The following R3HDM1 variants were observed in gnomAD, a reference collection of about 807,000 sequenced individuals.
The protein encoded by R3HDM1 is R3H domain-containing protein 1.
A neutral mutation model predicts 141.1 loss-of-function variants in R3HDM1; 46 were observed. That is an observed-to-expected ratio of 0.33 (90% CI 0.26 to 0.42). The LOEUF is 0.42. Ranked by LOEUF, R3HDM1 falls within the 10% of genes least tolerant of loss-of-function variation. The pLI is 1.00. For synonymous variants in R3HDM1, 435 were observed against 472.9 expected (o/e 0.92, Z 1.04); for missense variants, 1,184 against 1,368.3 (o/e 0.87, Z 2.12).
intron 1 of R3HDM1, among the ~76,000 whole-genome samples, chr2:135,551,379 T>C (rs1327616540): frequency 1.3e-5 from 2 of 152,218 alleles, no homozygotes; most frequent in Non-Finnish European, 2.9e-5. Context: ...AGTTTAAAAC[T>C]ATTCGGGACC....
Position 135,722,003 on chromosome 2 carries a change from A to G in R3HDM1, c.2961A>G (p.Gln987=), listed in dbSNP as rs1179272550. The G allele has an allele frequency of 6.2e-7, 1 of 1,611,528 alleles. No individual in the cohort carries two copies. Among genetic ancestry groups the G allele is most frequent in the African/African-American group, 1.3e-5 (1 of 74,880 alleles). Residue 987 remains glutamine (Q), a synonymous_variant, in exon 25 of 27, where the codon CAA becomes CAG. Coordinates refer to ENST00000683871, the MANE Select transcript of R3HDM1 (RefSeq NM_001378107.1). Reference sequence around the variant, plus strand: ...TTCTGCACGGACACATTCCAAACCAACAGGTAGGAAAGACAACTAACCTCC... The same window carrying G: ...TTCTGCACGGACACATTCCAAACCAGCAGGTAGGAAAGACAACTAACCTCC... The part of the protein sequence containing the change: ...PAVLHGHIPN[Q]QGQPGSRHGN...
intron 23 of R3HDM1, among the ~76,000 whole-genome samples, chr2:135,713,027 T>G (rs939204379): frequency 1.3e-5 from 2 of 151,902 alleles, no homozygotes; most frequent in African/African-American, 4.8e-5. Context: ...CATAATGAGA[T>G]TCCATCTCTA....
chr2:135,593,638 GC>G (rs1481062032), intron 1 of R3HDM1, among the ~76,000 whole-genome samples: 8 of 152,254 alleles, frequency 5.3e-5, no homozygotes, highest in African/African-American at 9.6e-5. Flanking sequence ...TCATGTCCAT[GC>G]CAAAGGTTGT....
intron 21 of R3HDM1, among the ~76,000 whole-genome samples, chr2:135,694,237 GCAAC>G (rs2072889122): frequency 6.6e-6 from 1 of 152,154 alleles, no homozygotes; most frequent in Non-Finnish European, 1.5e-5. Flanking sequence ...GAGGCCACAA[GCAAC>G]CTATATAACA....
At position 135,616,153 on chromosome 2, in the gene R3HDM1, G is replaced by C; in HGVS notation, c.173G>C (p.Arg58Pro). ...HCIENNIDLQ[R>P]PLQSFGQTGK... is the part of the protein sequence containing the mutation. ...TACAAATCTTTCTTGTATATTCAGC[G>C]GCCATTGCAGTCATTTGGACAGACA... Residue 58 changes from arginine (R) to proline (P), a missense_variant and splice_region_variant, in exon 4 of 27, where the codon CGG (arginine) becomes CCG (proline). By Grantham distance (103) the Arg-to-Pro change is moderately radical. Around this residue, in one of 5 missense-constraint regions of R3HDM1, gnomAD observed 192 missense variants for 215.7 expected, o/e 0.89. Transcript: ENST00000683871. 1 of 1,612,318 alleles carries C rather than the reference G, an allele frequency of 6.2e-7. No individual in the cohort carries two copies. The highest frequency in any genetic ancestry group is 8.5e-7 in the Non-Finnish European group (1 of 1,178,518).
chr2:135,565,352 T>TATC (rs1702547265), intron 1 of R3HDM1, among the ~76,000 whole-genome samples: 1 of 147,710 alleles, frequency 6.8e-6, no homozygotes, highest in Non-Finnish European at 1.5e-5. Context: ...TTATTATTAT[T>TATC]ATTATTATTA....
chr2:135,553,969 C>T (rs1329985471), intron 1 of R3HDM1, among the ~76,000 whole-genome samples: 1 of 151,460 alleles, frequency 6.6e-6, no homozygotes, highest in Non-Finnish European at 1.5e-5. Flanking sequence ...GGATTACAGG[C>T]ATGAGCCACG....
chr2:135,569,734 TG>T (rs1305482257), intron 1 of R3HDM1, among the ~76,000 whole-genome samples: 1 of 147,588 alleles, frequency 6.8e-6, no homozygotes, highest in African/African-American at 2.6e-5. Context: ...TTTTTGTTGT[TG>T]TTTTTTTTGG....
At chr2:135,568,549 C>T (rs1168931290) in intron 1 of R3HDM1, among the ~76,000 whole-genome samples, 1 of 151,738 alleles carries the variant, frequency 6.6e-6, no homozygotes, top group Non-Finnish European at 1.5e-5. Context: ...ATGGTTTCAC[C>T]ATGTTGGCCA....
intron 21 of R3HDM1, among the ~76,000 whole-genome samples, chr2:135,681,629 G>A (rs984186066): frequency 6.6e-6 from 1 of 152,150 alleles, no homozygotes; most frequent in Non-Finnish European, 1.5e-5. Context: ...TTCATAGGAC[G>A]TGTGTGCAGA....
At chr2:135,630,657 A>C (rs1309934661) in intron 7 of R3HDM1, among the ~76,000 whole-genome samples, 1 of 152,202 alleles carries the variant, frequency 6.6e-6, no homozygotes, top group Non-Finnish European at 1.5e-5. Flanking sequence ...AGGGGCTACC[A>C]GTTCTTCTAT....
chr2:135,691,940 T>G (rs1430714789), intron 21 of R3HDM1, among the ~76,000 whole-genome samples: 1 of 151,562 alleles, frequency 6.6e-6, no homozygotes, highest in East Asian at 1.9e-4. Flanking sequence ...TGAGATAGAG[T>G]CTCACTCTAG....
At chr2:135,719,970 C>T (rs1316306553) in intron 24 of R3HDM1, among the ~76,000 whole-genome samples, 1 of 152,072 alleles carries the variant, frequency 6.6e-6, no homozygotes, top group African/African-American at 2.4e-5. Context: ...CTCAGCCTCC[C>T]AAGTAGCTGG....
chr2:135,610,772 A>T (rs1246810159), intron 3 of R3HDM1, among the ~76,000 whole-genome samples: 1 of 152,202 alleles, frequency 6.6e-6, no homozygotes, highest in Non-Finnish European at 1.5e-5. Context: ...ATATAAAATC[A>T]TTCAAATAAT....
At chr2:135,696,097 C>T (rs1281851818) in intron 21 of R3HDM1, among the ~76,000 whole-genome samples, 10 of 152,108 alleles carry the variant, frequency 6.6e-5, no homozygotes, top group Non-Finnish European at 2.9e-5. Context: ...TGTCCACCCA[C>T]AGGTGAATGG....
At chr2:135,669,125 A>G in intron 19 of R3HDM1, 1 of 982,798 alleles carries the variant, frequency 1.0e-6, no homozygotes, top group Non-Finnish European at 1.2e-6. Context: ...GTTTAATACA[A>G]TTTATGCGTA....
intron 23 of R3HDM1, among the ~76,000 whole-genome samples, chr2:135,714,854 A>C (rs2076012127): frequency 6.6e-6 from 1 of 152,186 alleles, no homozygotes; most frequent in Non-Finnish European, 1.5e-5. Context: ...TTACAATCTT[A>C]GGAACTATTC....
intron 1 of R3HDM1, among the ~76,000 whole-genome samples, chr2:135,584,948 GA>G (rs1406879611): frequency 2.0e-5 from 3 of 152,116 alleles, no homozygotes; most frequent in Non-Finnish European, 4.4e-5. Context: ...TTTTATCTGA[GA>G]AAAAAATCAT....
At chr2:135,651,543 A>G (rs754428389) in intron 17 of R3HDM1, 187 bp from the exon 18 acceptor site, 11 of 933,428 alleles carry the variant, frequency 1.2e-5, no homozygotes, top group Non-Finnish European at 1.4e-5. Context: ...TTTATAATTT[A>G]TAATATTCAA....
Sources: gnomAD v4.1 joint callset for allele counts (sites outside exome capture counted in the v4.1 genomes callset) on GRCh38, gnomAD v4.1.1 for gene constraint, gnomAD v4.1.1 regional missense constraint, MANE v1.5 for transcripts, NCBI Gene and HGNC (gene_info 2026-07-23, HGNC 2026-07-21) for gene names.